The following RASA4 variants were observed in gnomAD, a reference collection of about 807,000 sequenced individuals.
RASA4 encodes the protein RAS p21 protein activator 4, also known as ras GTPase-activating protein 4.
A neutral mutation model predicts 24.0 loss-of-function variants in RASA4; 5 were observed. The ratio of observed to expected loss-of-function variants is 0.21; its 90% CI spans 0.11 to 0.44. The LOEUF is 0.44. RASA4 is among the 20% of genes least tolerant of loss of function. RASA4 has a pLI of 0.99. For synonymous variants in RASA4, 9 were observed against 132.7 expected (o/e 0.07, Z 6.41); for missense variants, 38 against 293.0 (o/e 0.13, Z 6.35).
At position 102,590,287 on chromosome 7, in the gene RASA4, G is replaced by C. The variant is rs1379032591; in HGVS notation, c.1840C>G (p.Leu614Val). 1 of 228,004 alleles carries C rather than the reference G, an allele frequency of 4.4e-6. No homozygotes were observed. Among genetic ancestry groups the C allele is most frequent in the African/African-American group, 9.2e-5 (1 of 10,896 alleles). 14.1% of individuals were successfully genotyped at this position (228,004 alleles called of 1,614,324 possible). A position where few individuals can be genotyped will look rare whatever the true frequency, so the allele number is the denominator to read the frequency against. ...GCCCGGATGTTGGCTAACTTGATGA[G>C]GGCGCTTTTCTGGGGCAGGCAGGGA... ...AKTPSSKKSA[L>V]IKLANIRAAE... Residue 614 changes from leucine to valine, a missense_variant, in exon 17 of 21, where the codon CTC (leucine) becomes GTC (valine). Physicochemically the swap from Leu to Val is conservative, Grantham distance 32. Transcript: ENST00000262940.
intron 2 of RASA4, among the ~76,000 whole-genome samples, chr7:102,610,609 A>G (rs1373802155): frequency 6.6e-6 from 1 of 151,960 alleles, no homozygotes; most frequent in East Asian, 1.9e-4. Context: ...AAGGGAGCTC[A>G]GGCTCTGGGG....
chr7:102,606,774 C>G (rs1250918980), intron 4 of RASA4, among the ~76,000 whole-genome samples: 12 of 74,790 alleles, frequency 1.6e-4, no homozygotes, highest in Non-Finnish European at 3.2e-4. Context: ...TAAGGTGCTG[C>G]GATTATAAGT....
intron 17 of RASA4, 64 bp from the exon 18 acceptor site, chr7:102,587,834 C>T: frequency 8.6e-6 from 1 of 116,558 alleles, no homozygotes; most frequent in Non-Finnish European, 1.5e-5. Flanking sequence ...CCCTCCTAAC[C>T]CGGAGCTCCT....
rs140941587 is a variant in RASA4, at chr7:102,605,980, G to T, written c.306C>A (p.Ser102Arg). 10 of 1,609,708 alleles carry T rather than the reference G, an allele frequency of 6.2e-6. No individual in the cohort carries two copies. The highest frequency in any genetic ancestry group is 8.5e-6 in the Non-Finnish European group (10 of 1,179,182). ...CGACCTCCGTCAGGTGGGCCCACCC[G>T]CTGAAACCTGTGGGGTCAGCTCAGC... ...DTIASHPKGF[S>R]GWAHLTEVDP... The change falls in exon 5 of 21, where the codon AGC becomes AGA. Residue 102 changes from serine (S) to arginine (R), a missense_variant. Transcript: ENST00000262940.
At chr7:102,605,417 CTTT>C (rs1181541816) in intron 5 of RASA4, among the ~76,000 whole-genome samples, 1 of 35,730 alleles carries the variant, frequency 2.8e-5, no homozygotes, top group African/African-American at 4.5e-5. Flanking sequence ...TTTTTTCTTT[CTTT>C]TTTATTTTTT....
At chr7:102,606,618 G>T (rs1302862224) in intron 4 of RASA4, among the ~76,000 whole-genome samples, 5 of 75,218 alleles carry the variant, frequency 6.6e-5, no homozygotes, top group Non-Finnish European at 1.5e-4. Flanking sequence ...AGATGGAGAA[G>T]CTACAAGATT....
At chr7:102,603,751 A>G (rs1322468714) in intron 5 of RASA4, among the ~76,000 whole-genome samples, 1 of 152,244 alleles carries the variant, frequency 6.6e-6, no homozygotes, top group Non-Finnish European at 1.5e-5. Flanking sequence ...GAGGCAGGAG[A>G]ATTGCTTGAA....
Position 102,616,685 on chromosome 7 carries a change from G to C in RASA4, c.5C>G (p.Ala2Gly), listed in dbSNP as rs759955972. The C allele has an allele frequency of 6.2e-7, 1 of 1,612,100 alleles. No individual in the cohort carries two copies. Among genetic ancestry groups the C allele is most frequent in the African/African-American group, 1.3e-5 (1 of 74,790 alleles). The change falls in exon 1 of 21, where the codon GCC (alanine) becomes GGC (glycine). Residue 2 changes from alanine (A) to glycine (G), a missense_variant. Transcript: ENST00000262940. ...GCGGATGTACAGCGAGCTGCGCTTG[G>C]CCATCGCGGGGTCCCGGCTCGGGGG... M[A>G]KRSSLYIRIV...
chr7:102,606,395 CAAAAAAAAAAA>C (rs555519087), intron 4 of RASA4, among the ~76,000 whole-genome samples: 916 of 55,208 alleles, frequency 0.017, 9 homozygotes, highest in African/African-American at 0.039. Context: ...GACCCCATCT[CAAAAAAAAAAA>C]AAAAAAAAAA....
chr7:102,580,389 CTTTTTTTTTTT>C lies in RASA4; in HGVS notation c.*2371_*2381del. Reference sequence around the variant, plus strand: ...AAAATTTCAAGTCTCCTTTATTTTCCTTTTTTTTTTTTTTTTTTTTTTAATTTTAGGGACTA... The same window carrying C: ...AAAATTTCAAGTCTCCTTTATTTTCCTTTTTTTTTTTAATTTTAGGGACTA... On this transcript the variant is annotated 3_prime_UTR_variant, in exon 21 of 21. Coordinates refer to ENST00000262940, the MANE Select transcript of RASA4 (RefSeq NM_006989.6). The C allele has an allele frequency of 1.8e-5, 1 of 56,734 alleles. No homozygotes were observed. The highest frequency in any genetic ancestry group is 2.3e-4 in the Admixed American group (1 of 4,272). 3.5% of individuals were successfully genotyped at this position (56,734 alleles called of 1,614,324 possible). A position where few individuals can be genotyped will look rare whatever the true frequency, so the allele number is the denominator to read the frequency against.
chr7:102,585,857 GTTTTTTTT>G (rs1214496763), intron 18 of RASA4, among the ~76,000 whole-genome samples: 10 of 131,104 alleles, frequency 7.6e-5, no homozygotes, highest in African/African-American at 2.6e-4. Context: ...TTGTTTTTTT[GTTTTTTTT>G]TTTTTGAGAT....
chr7:102,602,983 C>T (rs1380879646), intron 5 of RASA4, among the ~76,000 whole-genome samples: 40 of 151,044 alleles, frequency 2.6e-4, no homozygotes, highest in Admixed American at 1.5e-3. Flanking sequence ...TTTTTTGAGA[C>T]GGAGTCTCGC....
intron 4 of RASA4, among the ~76,000 whole-genome samples, chr7:102,608,276 T>TAA (rs1554347305): frequency 7.9e-5 from 5 of 63,546 alleles, no homozygotes; most frequent in Admixed American, 1.6e-4. Flanking sequence ...GCCTTTTTTT[T>TAA]AAAAAAAAAC....
chr7:102,603,865 C>CACAAA (rs1790486766), intron 5 of RASA4, among the ~76,000 whole-genome samples: 1 of 80,200 alleles, frequency 1.2e-5, no homozygotes. Flanking sequence ...AAAAAACCAC[C>CACAAA]AAAAAAAAAA....
Position 102,580,000 on chromosome 7 carries a change from C to G in RASA4, c.*2771G>C, listed in dbSNP as rs1801460781. On this transcript the variant is annotated 3_prime_UTR_variant, in exon 21 of 21. Coordinates refer to ENST00000262940, the MANE Select transcript of RASA4 (RefSeq NM_006989.6). ...ATTTCGCCACGTTGCCCAGGCTGGTCTCGAACTCCTGAGCTCAAGCGATTC... is the reference window on the plus strand; with the variant it reads ...ATTTCGCCACGTTGCCCAGGCTGGTGTCGAACTCCTGAGCTCAAGCGATTC... 3.5e-6 allele frequency: 1 copy of G among 282,140 alleles called. No homozygotes were observed. Among genetic ancestry groups the G allele is most frequent in the Non-Finnish European group, 7.1e-6 (1 of 141,104 alleles). The allele number at this position is 282,140 out of a possible 1,614,324, so 17.5% of individuals were successfully genotyped here. A position where few individuals can be genotyped will look rare whatever the true frequency, so the allele number is the denominator to read the frequency against.
intron 18 of RASA4, among the ~76,000 whole-genome samples, chr7:102,587,097 AAACAACAACAACAAC>A (rs759682675): frequency 5.8e-4 from 7 of 12,148 alleles, no homozygotes; most frequent in African/African-American, 1.5e-3. Flanking sequence ...ACTCAGTATC[AAACAACAACAACAAC>A]AACAACAACA....
chr7:102,603,928 C>T (rs1233690403), intron 5 of RASA4, among the ~76,000 whole-genome samples: 3 of 150,948 alleles, frequency 2.0e-5, no homozygotes, highest in Admixed American at 6.6e-5. Context: ...TTTGGGAGGC[C>T]GAGGCAGGCA....
intron 18 of RASA4, among the ~76,000 whole-genome samples, chr7:102,585,529 C>CAAAACA: frequency 1.1e-4 from 1 of 9,456 alleles, no homozygotes. Flanking sequence ...AGACCCAACT[C>CAAAACA]AAAACAAAAA....
chr7:102,580,522 C>T lies in RASA4; in HGVS notation c.*2249G>A, dbSNP rs1469122483. On this transcript the variant is annotated 3_prime_UTR_variant, in exon 21 of 21. Coordinates refer to ENST00000262940, the MANE Select transcript of RASA4 (RefSeq NM_006989.6). ...AGTAGCTGGGACTAGAGGTGTGCAC[C>T]GTCACACCCAGCTTCAAGTCTCTTA... The T allele has an allele frequency of 4.2e-4, 15 of 35,942 alleles. No homozygotes were observed. The highest frequency in any genetic ancestry group is 1.8e-3 in the East Asian group (3 of 1,646). The allele number at this position is 35,942 out of a possible 1,614,324, so 2.2% of individuals were successfully genotyped here. A position where few individuals can be genotyped will look rare whatever the true frequency, so the allele number is the denominator to read the frequency against.
Sources: allele counts gnomAD v4.1 joint callset (sites outside exome capture counted in the v4.1 genomes callset), GRCh38; gene constraint gnomAD v4.1.1; transcripts MANE v1.5; gene names NCBI Gene and HGNC (gene_info 2026-07-23, HGNC 2026-07-21).